Variants in MCPH1 observed in about 807,000 individuals in gnomAD.
The protein encoded by MCPH1 is microcephalin.
A neutral mutation model predicts 84.5 loss-of-function variants in MCPH1; 104 were observed. The ratio of observed to expected loss-of-function variants is 1.23; its 90% CI spans 1.05 to 1.45. The LOEUF (loss-of-function observed/expected upper bound fraction) is 1.45. Among genes scored for constraint, MCPH1 ranks in the 40% most tolerant of loss-of-function variants. MCPH1 has a pLI of 0.00. For synonymous variants in MCPH1, 514 were observed against 366.8 expected, an observed-to-expected ratio of 1.40 and a Z score of -4.58; for missense variants, 1,498 against 1,005.7, an observed-to-expected ratio of 1.49 and a Z score of -6.62.
At chr8:6,573,013 G>A (rs1021956509) in intron 12 of MCPH1, among the ~76,000 whole-genome samples, 3 of 152,258 alleles carry the variant, frequency 2.0e-5, no homozygotes, top group Admixed American at 1.3e-4. Flanking sequence ...ATTCCAGGCT[G>A]AGAAAATTGC....
chr8:6,499,895 C>G lies in MCPH1; in HGVS notation c.2180C>G (p.Pro727Arg). The change falls in exon 12 of 14, where the codon CCG becomes CGG. Residue 727 changes from proline (P) to arginine (R), a missense_variant. By Grantham distance (103) the Pro-to-Arg change is moderately radical (BLOSUM62 -2). Transcript: ENST00000344683. ...TTGGGTCACTGGATTTCTGAGGAGC[C>G]GTTCGAACTGTCTCACCACTTCCCT... ...LELGHWISEE[P>R]FELSHHFPAA... 1 of 1,613,528 alleles carries G rather than the reference C, an allele frequency of 6.2e-7. No individual in the cohort carries two copies. Among genetic ancestry groups the G allele is most frequent in the Non-Finnish European group, 8.5e-7 (1 of 1,179,980 alleles).
chr8:6,638,004 G>C (rs1797681724), intron 13 of MCPH1, among the ~76,000 whole-genome samples: 1 of 152,212 alleles, frequency 6.6e-6, no homozygotes, highest in African/African-American at 2.4e-5. Context: ...GAGGCATCTA[G>C]AAGCCAGGAC....
chr8:6,648,419 G>A lies in MCPH1; in HGVS notation c.*5370G>A, dbSNP rs896946896. ...GTAATATGCAGATAACAGCCCAGGG[G>A]AATCTGGGCAGCACTGTGAAACCAA... On this transcript the variant is annotated 3_prime_UTR_variant, in exon 14 of 14. Transcript: ENST00000344683. 6.6e-6 allele frequency: 1 copy of A among 152,228 alleles called. No homozygotes were observed. Among genetic ancestry groups the A allele is most frequent in the Admixed American group, 6.5e-5 (1 of 15,278 alleles). 9.4% of individuals were successfully genotyped at this position (152,228 alleles called of 1,614,324 possible).
At chr8:6,426,852 G>A (rs9644411) in intron 3 of MCPH1, among the ~76,000 whole-genome samples, 1 of 151,982 alleles carries the variant, frequency 6.6e-6, no homozygotes, top group African/African-American at 2.4e-5. Flanking sequence ...ATTGTTTTAA[G>A]ATCTAATTCA....
intron 8 of MCPH1, 44 bp downstream of exon 8, chr8:6,445,591 T>C: frequency 6.5e-7 from 1 of 1,534,912 alleles, no homozygotes; most frequent in Non-Finnish European, 8.7e-7. Flanking sequence ...TAAATAAACA[T>C]GTAACAGTGC....
chr8:6,410,114 C>T (rs1045803243), intron 2 of MCPH1, among the ~76,000 whole-genome samples: 4 of 151,908 alleles, frequency 2.6e-5, no homozygotes, highest in Non-Finnish European at 5.9e-5. Flanking sequence ...GGACTACAGG[C>T]ACATGCCACC....
rs192737938 is a variant in MCPH1 at position 6,611,705 on chromosome 8, G to A, written c.2215-9749G>A. ...GCCATCTCAGCTCCCTGCAAGCTCC[G>A]CCTCCCGGGTTCTCGCCATTCTCCT... On this transcript the variant is annotated intron_variant, in intron 12 of 13. Coordinates refer to ENST00000344683, the MANE Select transcript of MCPH1 (RefSeq NM_024596.5). 6.6e-3 allele frequency among the ~76,000 whole-genome samples: 999 copies of A among 152,154 alleles called. 13 individuals carry two copies. Among genetic ancestry groups the A allele is most frequent in the African/African-American group, 0.023 (948 of 41,520 alleles).
intron 12 of MCPH1, among the ~76,000 whole-genome samples, chr8:6,547,104 C>T (rs907746790): frequency 6.6e-6 from 1 of 151,458 alleles, no homozygotes; most frequent in African/African-American, 2.4e-5. Context: ...TAGATAGGTG[C>T]CAGTTTTACA....
rs774441901 is a variant in MCPH1 at position 6,444,899 on chromosome 8, A to G, written c.1177A>G (p.Arg393Gly). Residue 393 changes from arginine (R) to glycine (G), a missense_variant, in exon 8 of 14, where the codon AGG (arginine) becomes GGG (glycine). Transcript: ENST00000344683. ...GCTGCAGCTGTGCAGGTCGGAAGACAGGCTGCAGCACGTGGCGGGACCTGC... is the reference window on the plus strand; with the variant it reads ...GCTGCAGCTGTGCAGGTCGGAAGACGGGCTGCAGCACGTGGCGGGACCTGC... ...PRLQLCRSED[R>G]LQHVAGPALE... The G allele has an allele frequency of 1.9e-6, 3 of 1,614,182 alleles. No homozygotes were observed. The highest frequency in any genetic ancestry group is 2.2e-5 in the East Asian group (1 of 44,878).
At chr8:6,513,707 G>A (rs1229095886) in intron 12 of MCPH1, 1 of 1,612,932 alleles carries the variant, frequency 6.2e-7, no homozygotes, top group Non-Finnish European at 8.5e-7. Flanking sequence ...TTGAGAGATA[G>A]AAATGTTCAT....
Position 6,537,957 on chromosome 8 carries a change from G to C in MCPH1, c.2214+38028G>C, listed in dbSNP as rs1219608155. Among the ~76,000 whole-genome samples the C allele has an allele frequency of 2.6e-5, 4 of 152,166 alleles. No homozygotes were observed. The East Asian group carries it at 5.8e-4, about 22-fold the overall frequency. ...TTTTTGTCCATCTGAGTGACCTAAG[G>C]TGGACAAAAACTAATTAATCAGAGG... is the stretch of plus-strand genomic sequence containing the variant. On this transcript the variant is annotated intron_variant, in intron 12 of 13. Transcript: ENST00000344683.
intron 9 of MCPH1, among the ~76,000 whole-genome samples, chr8:6,465,979 G>C (rs901210354): frequency 8.0e-6 from 1 of 124,462 alleles, no homozygotes; most frequent in Non-Finnish European, 1.8e-5. Context: ...ATCCGATACA[G>C]AGCCTCGCTC....
chr8:6,613,338 C>T (rs1830467808), intron 12 of MCPH1, among the ~76,000 whole-genome samples: 2 of 152,208 alleles, frequency 1.3e-5, no homozygotes, highest in Admixed American at 1.3e-4. Flanking sequence ...ACTGGCACAC[C>T]AGCCAGATTC....
At chr8:6,626,474 GTT>G (rs71213328) in intron 13 of MCPH1, 1,311 of 907,212 alleles carry the variant, frequency 1.4e-3, no homozygotes, top group East Asian at 2.0e-3. Context: ...TTTTTGTTTT[GTT>G]TTTTTTTTTT....
At chr8:6,438,019 A>G (rs906969363) in intron 5 of MCPH1, among the ~76,000 whole-genome samples, 6 of 152,192 alleles carry the variant, frequency 3.9e-5, no homozygotes, top group East Asian at 1.9e-4. Context: ...AATATTCAGG[A>G]TAAAATCCTG....
At chr8:6,420,582 C>G (rs912766572) in intron 3 of MCPH1, among the ~76,000 whole-genome samples, 4 of 151,948 alleles carry the variant, frequency 2.6e-5, no homozygotes, top group South Asian at 2.1e-4. Context: ...TCATTGTTTT[C>G]TCTACCTCAT....
At chr8:6,610,361 C>G (rs928355467) in intron 12 of MCPH1, among the ~76,000 whole-genome samples, 1 of 152,226 alleles carries the variant, frequency 6.6e-6, no homozygotes, top group Admixed American at 6.5e-5. Context: ...TTAACCTAAT[C>G]AAGCCATGTT....
At chr8:6,492,462 A>G (rs1055962748) in intron 11 of MCPH1, among the ~76,000 whole-genome samples, 2 of 151,636 alleles carry the variant, frequency 1.3e-5, no homozygotes, top group Non-Finnish European at 2.9e-5. Context: ...TGCTGTGCAG[A>G]AGCTCTTTAG....
chr8:6,582,427 C>G (rs1473902339), intron 12 of MCPH1, among the ~76,000 whole-genome samples: 1 of 152,206 alleles, frequency 6.6e-6, no homozygotes, highest in African/African-American at 2.4e-5. Context: ...AAGTCTGACT[C>G]CAAAGTGCAT....
Sources: allele counts gnomAD v4.1 joint callset (sites outside exome capture counted in the v4.1 genomes callset), GRCh38; gene constraint gnomAD v4.1.1; transcripts MANE v1.5; gene names NCBI Gene and HGNC (gene_info 2026-07-23, HGNC 2026-07-21).